Variants in SGMS1 observed in about 807,000 individuals in gnomAD.
SGMS1 encodes the protein phosphatidylcholine:ceramide cholinephosphotransferase 1.
SGMS1 carries 13 observed loss-of-function variants against 46.2 expected under a neutral mutation model. The observed-to-expected ratio is 0.28, with a 90% confidence interval of 0.18 to 0.45. SGMS1 has a LOEUF of 0.45. Among genes scored for constraint, SGMS1 ranks in the 20% least tolerant of loss-of-function variants. The pLI is 1.00. For missense variants in SGMS1, 324 were observed against 519.9 expected (o/e 0.62, Z 3.66); for synonymous variants, 203 against 187.8 (o/e 1.08, Z -0.66).
intron 2 of SGMS1, among the ~76,000 whole-genome samples, chr10:50,535,069 T>C (rs1327151124): frequency 6.6e-6 from 1 of 152,026 alleles, no homozygotes; most frequent in African/African-American, 2.4e-5. Flanking sequence ...CCGTCTCTAC[T>C]AAAAATACAA....
At chr10:50,507,852 T>C (rs957665363) in intron 3 of SGMS1, among the ~76,000 whole-genome samples, 4 of 152,152 alleles carry the variant, frequency 2.6e-5, no homozygotes, top group African/African-American at 9.7e-5. Flanking sequence ...CAGGCCCCAA[T>C]ACCCTAATAC....
intron 5 of SGMS1, among the ~76,000 whole-genome samples, chr10:50,449,209 A>G (rs1837068408): frequency 6.6e-6 from 1 of 152,250 alleles, no homozygotes; most frequent in Admixed American, 6.5e-5. Flanking sequence ...TTAGTTGAGC[A>G]CAGAAAACTA....
intron 6 of SGMS1, among the ~76,000 whole-genome samples, chr10:50,396,436 G>A (rs953627874): frequency 6.6e-6 from 1 of 152,106 alleles, no homozygotes; most frequent in African/African-American, 2.4e-5. Context: ...CAGTTCAAGA[G>A]TATACAAAAG....
At chr10:50,324,261 T>TACTAGACA (rs1847495384) in intron 8 of SGMS1, among the ~76,000 whole-genome samples, 2 of 152,216 alleles carry the variant, frequency 1.3e-5, no homozygotes, top group South Asian at 4.1e-4. Flanking sequence ...AGTAAGTGGT[T>TACTAGACA]GTGTAAGACT....
At chr10:50,585,275 C>G (rs892739463) in intron 2 of SGMS1, among the ~76,000 whole-genome samples, 3 of 152,226 alleles carry the variant, frequency 2.0e-5, no homozygotes, top group Non-Finnish European at 4.4e-5. Context: ...ATATGCTTGG[C>G]TTGCTTTAGT....
intron 4 of SGMS1, among the ~76,000 whole-genome samples, chr10:50,464,383 G>A (rs79263325): frequency 0.01 from 1,590 of 152,290 alleles, 33 homozygotes; most frequent in African/African-American, 0.037. Flanking sequence ...TAAAAAATAA[G>A]AACAAGGAAA....
intron 3 of SGMS1, among the ~76,000 whole-genome samples, chr10:50,489,867 G>A (rs1159466411): frequency 6.6e-6 from 1 of 152,138 alleles, no homozygotes; most frequent in Non-Finnish European, 1.5e-5. Context: ...CCACCTACTT[G>A]GGAGGCTGAG....
chr10:50,461,247 C>A (rs1404228901), intron 4 of SGMS1, among the ~76,000 whole-genome samples: 1 of 152,074 alleles, frequency 6.6e-6, no homozygotes, highest in Non-Finnish European at 1.5e-5. Context: ...TTTTTACAAG[C>A]TGATTTATAA....
chr10:50,613,559 A>T (rs1838770003), intron 1 of SGMS1, among the ~76,000 whole-genome samples: 1 of 152,048 alleles, frequency 6.6e-6, no homozygotes. Context: ...CAATCCCCCC[A>T]TCCTCTCTGC....
rs144618306 is a variant in SGMS1 at position 50,572,092 on chromosome 10, G to A, written c.-589+18061C>T. Among the ~76,000 whole-genome samples, 34 of 152,302 alleles carry A rather than the reference G, an allele frequency of 2.2e-4. 1 individual carries two copies. In the East Asian group the frequency reaches 6.5e-3, roughly 29 times the overall value. ...TTTAGCTAGGAAGAGAATTGCATCA[G>A]GTATTCTCTGGCCCCTGACCACACT... On this transcript the variant is annotated intron_variant, in intron 2 of 10. Transcript: ENST00000361781.
At chr10:50,562,731 A>G (rs924181859) in intron 2 of SGMS1, among the ~76,000 whole-genome samples, 21 of 152,064 alleles carry the variant, frequency 1.4e-4, no homozygotes, top group Non-Finnish European at 2.2e-4. Flanking sequence ...TTTTTACTAG[A>G]GACGGGGTTT....
intron 6 of SGMS1, among the ~76,000 whole-genome samples, chr10:50,346,368 T>C (rs1847911667): frequency 6.6e-6 from 1 of 152,204 alleles, no homozygotes; most frequent in Non-Finnish European, 1.5e-5. Flanking sequence ...AAAAAAACTC[T>C]ACCTACCAGG....
At chr10:50,586,117 A>G (rs1247535065) in intron 2 of SGMS1, among the ~76,000 whole-genome samples, 1 of 152,232 alleles carries the variant, frequency 6.6e-6, no homozygotes, top group Non-Finnish European at 1.5e-5. Context: ...TTTGAATAAA[A>G]CTTTATGTAT....
intron 6 of SGMS1, among the ~76,000 whole-genome samples, chr10:50,362,656 C>T (rs1848268265): frequency 6.6e-6 from 1 of 152,156 alleles, no homozygotes; most frequent in African/African-American, 2.4e-5. Context: ...AATTATGAAT[C>T]ACACAAGGAA....
intron 2 of SGMS1, among the ~76,000 whole-genome samples, chr10:50,528,104 C>T (rs1837920810): frequency 1.3e-5 from 2 of 151,966 alleles, no homozygotes; most frequent in Admixed American, 1.3e-4. Context: ...TTAAGAGTAC[C>T]AAGTACACAA....
intron 3 of SGMS1, among the ~76,000 whole-genome samples, chr10:50,493,539 G>A (rs903216199): frequency 6.6e-6 from 1 of 152,064 alleles, no homozygotes; most frequent in African/African-American, 2.4e-5. Context: ...ACAACCTACA[G>A]TATAGGAGAA....
intron 7 of SGMS1, among the ~76,000 whole-genome samples, chr10:50,336,397 G>C (rs1264491054): frequency 1.3e-5 from 2 of 152,162 alleles, no homozygotes; most frequent in Non-Finnish European, 2.9e-5. Flanking sequence ...TGGTAGCAAA[G>C]GAAGCTTTAT....
intron 2 of SGMS1, among the ~76,000 whole-genome samples, chr10:50,537,013 C>A (rs1838007611): frequency 6.6e-6 from 1 of 152,172 alleles, no homozygotes; most frequent in South Asian, 2.1e-4. Flanking sequence ...AGGGTTGACA[C>A]ATTGCTTCTT....
chr10:50,356,928 G>C (rs1482184428), intron 6 of SGMS1, among the ~76,000 whole-genome samples: 3 of 151,996 alleles, frequency 2.0e-5, no homozygotes, highest in African/African-American at 7.2e-5. Context: ...GGGGTGGGGG[G>C]AGTGGGGAGG....
Sources: allele counts gnomAD v4.1 joint callset (sites outside exome capture counted in the v4.1 genomes callset), GRCh38; gene constraint gnomAD v4.1.1; transcripts MANE v1.5; gene names NCBI Gene and HGNC (gene_info 2026-07-23, HGNC 2026-07-21).